Variants in SLC39A12 observed in about 807,000 individuals in gnomAD.
SLC39A12 encodes zinc transporter ZIP12.
SLC39A12 carries 63 observed loss-of-function variants against 71.1 expected under a neutral mutation model. That is an observed-to-expected ratio of 0.89 (90% CI 0.72 to 1.09). The LOEUF (loss-of-function observed/expected upper bound fraction) is 1.09. SLC39A12 is among the 50% of genes least tolerant of loss of function. The pLI is 0.00. For synonymous variants in SLC39A12, 351 were observed against 301.3 expected, an observed-to-expected ratio of 1.16 and a Z score of -1.71; for missense variants, 892 against 812.6, an observed-to-expected ratio of 1.10 and a Z score of -1.19.
At chr10:18,040,317 C>A (rs942638220) in intron 12 of SLC39A12, among the ~76,000 whole-genome samples, 5 of 152,142 alleles carry the variant, frequency 3.3e-5, no homozygotes, top group African/African-American at 1.2e-4. Flanking sequence ...CCCAGGAGAG[C>A]AGTTCTGGAT....
At chr10:17,994,330 A>G (rs1264200679) in intron 9 of SLC39A12, among the ~76,000 whole-genome samples, 2 of 152,162 alleles carry the variant, frequency 1.3e-5, no homozygotes, top group African/African-American at 2.4e-5. Flanking sequence ...TTAAGCTGCA[A>G]TTTGACCTAA....
At chr10:17,995,205 G>T (rs569320322) in intron 9 of SLC39A12, among the ~76,000 whole-genome samples, 9 of 152,332 alleles carry the variant, frequency 5.9e-5, no homozygotes, top group African/African-American at 1.9e-4. Context: ...ATGAAATGAG[G>T]TGTTGAATTT....
chr10:17,961,560 T>A, intron 2 of SLC39A12, 21 bp from the exon 3 acceptor site: 1 of 1,588,912 alleles, frequency 6.3e-7, no homozygotes, highest in Non-Finnish European at 8.5e-7. Flanking sequence ...CTTTTGTTGT[T>A]GTTATTGTTT....
intron 4 of SLC39A12, among the ~76,000 whole-genome samples, chr10:17,974,205 T>C (rs1835046711): frequency 6.6e-6 from 1 of 152,158 alleles, no homozygotes; most frequent in Non-Finnish European, 1.5e-5. Context: ...AAAACAGCCA[T>C]TTTGAATTCT....
At chr10:18,041,637 A>ATG (rs1837235407) in intron 12 of SLC39A12, among the ~76,000 whole-genome samples, 3 of 109,568 alleles carry the variant, frequency 2.7e-5, no homozygotes, top group African/African-American at 1.1e-4. Flanking sequence ...ATATGTGTAT[A>ATG]TATATGTATA....
chr10:17,995,546 G>T, intron 9 of SLC39A12, 110 bp from the exon 10 acceptor site: 1 of 888,242 alleles, frequency 1.1e-6, no homozygotes. Context: ...TATACATCTA[G>T]AGTACTAAAA....
At chr10:18,000,921 AC>A (rs1835816381) in intron 11 of SLC39A12, 96 bp downstream of exon 11, 1 of 1,164,630 alleles carries the variant, frequency 8.6e-7, no homozygotes, top group Admixed American at 2.7e-5. Context: ...CTAACCTATG[AC>A]TTAAAGATGA....
chr10:17,998,010 T>C lies in SLC39A12; in HGVS notation c.1600+2288T>C, dbSNP rs141976336. Among the ~76,000 whole-genome samples, 462 of 152,318 alleles carry C rather than the reference T, an allele frequency of 3.0e-3. 3 individuals carry two copies. Among genetic ancestry groups the C allele is most frequent in the African/African-American group, 0.011 (440 of 41,562 alleles). On this transcript the variant is annotated intron_variant, in intron 10 of 12. Transcript: ENST00000377369. ...TCTTATCTTCCACTAAATAATTTTT[T>C]TGTTTTCAGATGGAAACTCGCTCTG...
chr10:17,966,973 CAA>C (rs375769208), intron 4 of SLC39A12, among the ~76,000 whole-genome samples: 2 of 133,468 alleles, frequency 1.5e-5, no homozygotes, highest in African/African-American at 5.5e-5. Context: ...GATTCCATCT[CAA>C]AAAAAAAAAA....
Position 17,991,320 on chromosome 10 carries a change from T to A in SLC39A12, c.1422+17T>A. On this transcript the variant is annotated intron_variant, in intron 8 of 12. Coordinates refer to ENST00000377369, the MANE Select transcript of SLC39A12 (RefSeq NM_001145195.2). The stretch of plus-strand genomic sequence containing the variant: ...AATGACAAGGTATATTTTTAAGTTT[T>A]ATTTGTCTTGTGCTTTAAAGTCTTA... 1 of 1,557,960 alleles carries A rather than the reference T, an allele frequency of 6.4e-7. No homozygotes were observed. The highest frequency in any genetic ancestry group is 1.2e-5 in the South Asian group (1 of 80,724).
Position 17,961,730 on chromosome 10 carries a change from T to A in SLC39A12, c.411T>A (p.Asn137Lys). 1.2e-6 allele frequency: 2 copies of A among 1,614,108 alleles called. No individual in the cohort carries two copies. ...GTTCTTCAAAGCTCAACATGAGTAA[T>A]AAAGAGTATAAATTTTACCTACACA... ...EICSSKLNMS[N>K]KEYKFYLHSL... Residue 137 changes from asparagine to lysine, a missense_variant, in exon 3 of 13, where the codon AAT (asparagine) becomes AAA (lysine). By Grantham distance (94) the Asn-to-Lys change is moderately conservative (BLOSUM62 0). Transcript: ENST00000377369.
At chr10:17,996,029 A>T (rs11011980) in intron 10 of SLC39A12, among the ~76,000 whole-genome samples, 4,944 of 152,252 alleles carry the variant, frequency 0.032, 132 homozygotes, top group South Asian at 0.081. Flanking sequence ...ATTTCTAAAC[A>T]TATTTGTGTG....
intron 12 of SLC39A12, among the ~76,000 whole-genome samples, chr10:18,007,506 G>T (rs999857960): frequency 6.6e-6 from 1 of 152,114 alleles, no homozygotes; most frequent in African/African-American, 2.4e-5. Flanking sequence ...GTGCAAGAAA[G>T]AATTCAGAGA....
intron 2 of SLC39A12, among the ~76,000 whole-genome samples, chr10:17,958,412 G>T (rs1834603872): frequency 6.6e-6 from 1 of 152,100 alleles, no homozygotes; most frequent in African/African-American, 2.4e-5. Flanking sequence ...GTTGTACCAT[G>T]TCCTTGTTCT....
chr10:18,042,883 GTTTC>G lies in SLC39A12; in HGVS notation c.*55_*58del, dbSNP rs1391030988. On this transcript the variant is annotated 3_prime_UTR_variant, in exon 13 of 13. Transcript: ENST00000377369. ...AAATGCATTTATATAGTCTTACTTTGTTTCTTTCATTGCACTCTATAATGATTTT... is the reference window on the plus strand; with the variant it reads ...AAATGCATTTATATAGTCTTACTTTGTTTCATTGCACTCTATAATGATTTT... 6.6e-7 allele frequency: 1 copy of G among 1,510,782 alleles called. No homozygotes were observed. Among genetic ancestry groups the G allele is most frequent in the Non-Finnish European group, 8.9e-7 (1 of 1,120,174 alleles). The allele number at this position is 1,510,782 out of a possible 1,614,324, so 93.6% of individuals were successfully genotyped here.
intron 12 of SLC39A12, among the ~76,000 whole-genome samples, chr10:18,042,461 A>C (rs1443939476): frequency 3.0e-5 from 4 of 132,128 alleles, no homozygotes; most frequent in African/African-American, 1.2e-4. Flanking sequence ...CCTGCCTCAA[A>C]AGAAAAAAAA....
chr10:17,957,309 G>A (rs1447116493), intron 2 of SLC39A12, among the ~76,000 whole-genome samples: 1 of 152,054 alleles, frequency 6.6e-6, no homozygotes, highest in African/African-American at 2.4e-5. Flanking sequence ...AGGATGTGGT[G>A]GACAATTACT....
rs186009140 is a variant in SLC39A12 at position 17,983,650 on chromosome 10, C to T, written c.1096+2167C>T. ...TACAAAAATTAGCTGAGTATGCTGG[C>T]GGGTGCCTATAATCCCAGCTACTCG... On this transcript the variant is annotated intron_variant, in intron 6 of 12. Transcript: ENST00000377369. 4.2e-3 allele frequency among the ~76,000 whole-genome samples: 644 copies of T among 152,058 alleles called. 3 individuals are homozygous for T. Among genetic ancestry groups the T allele is most frequent in the Admixed American group, 7.9e-3 (121 of 15,252 alleles).
At chr10:18,029,429 T>A (rs2497779) in intron 12 of SLC39A12, among the ~76,000 whole-genome samples, 116,664 of 152,070 alleles carry the variant, frequency 0.77, 45,656 homozygotes, top group African/African-American at 0.91. Context: ...AATTACAACT[T>A]CTTGACTAAC....
Sources: gnomAD v4.1 joint callset for allele counts (sites outside exome capture counted in the v4.1 genomes callset) on GRCh38, gnomAD v4.1.1 for gene constraint, MANE v1.5 for transcripts, NCBI Gene and HGNC (gene_info 2026-07-23, HGNC 2026-07-21) for gene names.